Variants in DARS1 observed in about 807,000 individuals in gnomAD.
DARS1 encodes the protein aspartyl-tRNA synthetase 1.
A neutral mutation model predicts 68.8 loss-of-function variants in DARS1; 51 were observed. That is an observed-to-expected ratio of 0.74 (90% CI 0.59 to 0.94). DARS1 has a LOEUF of 0.94. Ranked by LOEUF, DARS1 falls within the 40% of genes least tolerant of loss-of-function variation. The pLI, the probability that DARS1 is intolerant of heterozygous loss-of-function variation, is 0.00. For synonymous variants in DARS1, 203 were observed against 190.4 expected (o/e 1.07, Z -0.55); for missense variants, 607 against 597.3 (o/e 1.02, Z -0.17).
intron 5 of DARS1, among the ~76,000 whole-genome samples, chr2:135,938,152 C>T (rs1333100267): frequency 2.6e-5 from 4 of 152,208 alleles, no homozygotes; most frequent in African/African-American, 9.6e-5. Context: ...GGTCTTTTCA[C>T]ATAGTCCCAT....
intron 4 of DARS1, among the ~76,000 whole-genome samples, chr2:135,948,624 G>A (rs1165449549): frequency 1.3e-5 from 2 of 152,128 alleles, no homozygotes; most frequent in African/African-American, 4.8e-5. Context: ...CAGCACTTTG[G>A]GAGGCCAGGG....
intron 7 of DARS1, among the ~76,000 whole-genome samples, chr2:135,925,078 C>T (rs1681185251): frequency 6.6e-6 from 1 of 152,052 alleles, no homozygotes; most frequent in South Asian, 2.1e-4. Context: ...AGCGCTCCAA[C>T]TGTGCAGCAC....
At chr2:135,918,448 G>A (rs574847115) in intron 10 of DARS1, among the ~76,000 whole-genome samples, 7 of 152,120 alleles carry the variant, frequency 4.6e-5, no homozygotes, top group Non-Finnish European at 7.4e-5. Flanking sequence ...TGATAAACAC[G>A]AGAGGAACAT....
intron 7 of DARS1, among the ~76,000 whole-genome samples, chr2:135,928,391 A>G (rs1475785927): frequency 6.6e-6 from 1 of 152,096 alleles, no homozygotes; most frequent in Non-Finnish European, 1.5e-5. Flanking sequence ...AGATTTATGT[A>G]GAACTTTTTT....
chr2:135,946,896 T>C (rs115530645), intron 4 of DARS1, among the ~76,000 whole-genome samples: 4,798 of 152,082 alleles, frequency 0.032, 188 homozygotes, highest in African/African-American at 0.096. Context: ...ACCCTCCCAC[T>C]TCAGACTCCT....
chr2:135,923,744 G>A (rs1461182156), intron 8 of DARS1, among the ~76,000 whole-genome samples: 1 of 152,136 alleles, frequency 6.6e-6, no homozygotes, highest in South Asian at 2.1e-4. Context: ...TTAGCCAGGC[G>A]TGGTGGCTCA....
intron 15 of DARS1, among the ~76,000 whole-genome samples, chr2:135,907,815 G>C (rs1166442750): frequency 6.6e-6 from 1 of 152,194 alleles, no homozygotes; most frequent in Non-Finnish European, 1.5e-5. Context: ...ATAGAAGTAT[G>C]AGAAAATTTA....
chr2:135,954,992 AC>A (rs1681938347), intron 4 of DARS1, among the ~76,000 whole-genome samples: 1 of 152,222 alleles, frequency 6.6e-6, no homozygotes, highest in South Asian at 2.1e-4. Context: ...CTAAAATATA[AC>A]AGAAATCCTA....
intron 2 of DARS1, among the ~76,000 whole-genome samples, chr2:135,981,318 G>A (rs1180347707): frequency 6.6e-6 from 1 of 152,138 alleles, no homozygotes; most frequent in African/African-American, 2.4e-5. Flanking sequence ...TGAAAACAAA[G>A]TCTCAAGTGT....
intron 15 of DARS1, among the ~76,000 whole-genome samples, chr2:135,908,096 A>C (rs1419378987): frequency 6.6e-6 from 1 of 152,246 alleles, no homozygotes; most frequent in Non-Finnish European, 1.5e-5. Context: ...ATTAAGTAAA[A>C]AATGCAAAGT....
At chr2:135,926,258 T>C (rs1347976468) in intron 7 of DARS1, among the ~76,000 whole-genome samples, 2 of 152,246 alleles carry the variant, frequency 1.3e-5, no homozygotes, top group East Asian at 1.9e-4. Flanking sequence ...GATTATTTAA[T>C]ATGAATAGAA....
chr2:135,973,005 C>G (rs950599395), intron 3 of DARS1, among the ~76,000 whole-genome samples: 1 of 152,198 alleles, frequency 6.6e-6, no homozygotes, highest in African/African-American at 2.4e-5. Context: ...CTATGTAGAA[C>G]AGTTTGGAGG....
intron 4 of DARS1, among the ~76,000 whole-genome samples, chr2:135,945,365 T>G (rs1328372733): frequency 1.3e-5 from 2 of 152,124 alleles, no homozygotes; most frequent in Non-Finnish European, 1.5e-5. Flanking sequence ...TGACCTCAGG[T>G]GATCCACCCG....
At chr2:135,951,820 T>C (rs1472324411) in intron 4 of DARS1, among the ~76,000 whole-genome samples, 1 of 152,248 alleles carries the variant, frequency 6.6e-6, no homozygotes, top group East Asian at 1.9e-4. Context: ...ACTTACAAAC[T>C]GCCTTTCTTT....
intron 4 of DARS1, among the ~76,000 whole-genome samples, chr2:135,959,680 G>A (rs1313143549): frequency 2.0e-5 from 3 of 152,054 alleles, no homozygotes; most frequent in Non-Finnish European, 4.4e-5. Context: ...GTACTTTAAC[G>A]TGTCTGCTTC....
chr2:135,908,813 G>A (rs1366869737), intron 15 of DARS1, among the ~76,000 whole-genome samples: 1 of 152,050 alleles, frequency 6.6e-6, no homozygotes, highest in Non-Finnish European at 1.5e-5. Flanking sequence ...TGGATTCTGA[G>A]TAATAAAGAT....
rs1411678617 is a variant in DARS1 at position 135,906,733 on chromosome 2, C to T, written c.*583G>A. On this transcript the variant is annotated 3_prime_UTR_variant, in exon 16 of 16. Coordinates refer to ENST00000264161, the MANE Select transcript of DARS1 (RefSeq NM_001349.4). Reference sequence around the variant, plus strand: ...AAGTTTAGAATTTAACAAATTAATACAATATTACACTGAATACTTTCTAAC... The same window carrying T: ...AAGTTTAGAATTTAACAAATTAATATAATATTACACTGAATACTTTCTAAC... 1.3e-5 allele frequency: 2 copies of T among 152,060 alleles called. No homozygotes were observed. Among genetic ancestry groups the T allele is most frequent in the African/African-American group, 2.4e-5 (1 of 41,398 alleles). The allele number at this position is 152,060 out of a possible 1,614,324, so 9.4% of individuals were successfully genotyped here. A position where few individuals can be genotyped will look rare whatever the true frequency, so the allele number is the denominator to read the frequency against.
intron 7 of DARS1, among the ~76,000 whole-genome samples, chr2:135,927,389 T>C (rs1681242675): frequency 6.6e-6 from 1 of 152,124 alleles, no homozygotes; most frequent in African/African-American, 2.4e-5. Context: ...AATGTACAAA[T>C]ACCTTATATA....
intron 3 of DARS1, among the ~76,000 whole-genome samples, chr2:135,964,864 G>C (rs1436833462): frequency 1.1e-5 from 1 of 94,158 alleles, no homozygotes; most frequent in Non-Finnish European, 2.1e-5. Flanking sequence ...AAAAAAAAAA[G>C]AAGTGAAGAA....
Sources: allele counts gnomAD v4.1 joint callset (sites outside exome capture counted in the v4.1 genomes callset), GRCh38; gene constraint gnomAD v4.1.1; transcripts MANE v1.5; gene names NCBI Gene and HGNC (gene_info 2026-07-23, HGNC 2026-07-21).